Variants in KRTCAP3 observed in about 807,000 individuals in gnomAD.
KRTCAP3 encodes keratinocyte-associated protein 3.
KRTCAP3 carries 18 observed loss-of-function variants against 20.5 expected under a neutral mutation model. The observed-to-expected ratio is 0.88, with a 90% CI of 0.61 to 1.31. The LOEUF (loss-of-function observed/expected upper bound fraction) is 1.31, where lower values mean the gene tolerates loss of function less well. Ranked by LOEUF, KRTCAP3 falls within the 50% of genes most tolerant of loss-of-function variation. The pLI, the probability that KRTCAP3 is intolerant of heterozygous loss-of-function variation, is 0.00. For missense variants in KRTCAP3, 347 were observed against 310.4 expected, an observed-to-expected ratio of 1.12 and a Z score of -0.89; for synonymous variants, 167 against 133.7, an observed-to-expected ratio of 1.25 and a Z score of -1.72.
At chr2:27,444,320 GA>G, downstream of KRTCAP3, 1 of 696,048 alleles carries the variant, frequency 1.4e-6, no homozygotes, top group Admixed American at 2.7e-5. Flanking sequence ...TCCTTTTGGG[GA>G]AAAGGCACTG....
chr2:27,445,523 G>C (rs1474741405), downstream of KRTCAP3: 5 of 1,508,064 alleles, frequency 3.3e-6, no homozygotes, highest in Non-Finnish European at 4.5e-6. The surrounding 1 kb of genome is among the most constrained non-coding windows in gnomAD (Gnocchi z 4.4). Context: ...TGGGTGAGGA[G>C]GGGGTTTGCT....
chr2:27,445,424 T>C, downstream of KRTCAP3: 6 of 1,611,742 alleles, frequency 3.7e-6, no homozygotes, highest in Non-Finnish European at 5.1e-6. This position sits in a 1 kb window ranked among gnomAD's most constrained non-coding sequence, Gnocchi z 4.4. Flanking sequence ...AAGCACCCAG[T>C]CTCGAACCTC....
downstream of KRTCAP3, chr2:27,446,121 C>T: frequency 7.3e-7 from 1 of 1,377,492 alleles, no homozygotes; most frequent in East Asian, 2.3e-5. Context: ...GGAGAAAAAT[C>T]CAGGAAGACA....
chr2:27,444,829 G>T (rs902198037), downstream of KRTCAP3, among the ~76,000 whole-genome samples: 1 of 152,138 alleles, frequency 6.6e-6, no homozygotes, highest in Non-Finnish European at 1.5e-5. Flanking sequence ...TGTATTTTTA[G>T]TAGAGACGAG....
At position 27,442,920 on chromosome 2, in the gene KRTCAP3, G is replaced by A. The variant is rs1445239308; in HGVS notation, c.273+19G>A. 1 of 1,612,910 alleles carries A rather than the reference G, an allele frequency of 6.2e-7. No homozygotes were observed. The highest frequency in any genetic ancestry group is 8.5e-7 in the Non-Finnish European group (1 of 1,179,834). On this transcript the variant is annotated intron_variant, in intron 3 of 6. Coordinates refer to ENST00000288873, the MANE Select transcript of KRTCAP3 (RefSeq NM_173853.4). ...TCCACTGGTGAGAGGGACTTCCCTG[G>A]AGCTTTTAACGAGTAGGCTTGAGTC...
downstream of KRTCAP3, chr2:27,445,865 T>C: frequency 3.1e-6 from 5 of 1,614,062 alleles, no homozygotes; most frequent in Non-Finnish European, 4.2e-6. This position sits in a 1 kb window ranked among gnomAD's most constrained non-coding sequence, Gnocchi z 4.4. Context: ...TGGGCAACCA[T>C]GAACTAGGCA....
chr2:27,445,275 G>A (rs778545853), downstream of KRTCAP3: 78 of 1,600,832 alleles, frequency 4.9e-5, 1 homozygote, highest in South Asian at 8.7e-4. The surrounding 1 kb of genome is among the most constrained non-coding windows in gnomAD (Gnocchi z 4.4). Context: ...ACAGGATCTG[G>A]GGTGCTGTAG....
chr2:27,442,787 CG>C, intron 2 of KRTCAP3, 24 bp downstream of exon 2: 2 of 1,610,980 alleles, frequency 1.2e-6, no homozygotes, highest in East Asian at 2.2e-5. Flanking sequence ...GCGACCCGGG[CG>C]GGGGCCGGGC....
chr2:27,445,168 A>G (rs878962267), downstream of KRTCAP3: 23 of 1,605,086 alleles, frequency 1.4e-5, no homozygotes, highest in South Asian at 2.5e-4. This position sits in a 1 kb window ranked among gnomAD's most constrained non-coding sequence, Gnocchi z 4.4. Flanking sequence ...AAAAATGAGG[A>G]GCAGCCTGGG....
chr2:27,444,490 A>T, downstream of KRTCAP3: 1 of 1,613,730 alleles, frequency 6.2e-7, no homozygotes, highest in Non-Finnish European at 8.5e-7. Flanking sequence ...GATGAATTTC[A>T]GCACGTCCTG....
At chr2:27,446,098 C>A (rs768909809), downstream of KRTCAP3, 44 of 1,444,986 alleles carry the variant, frequency 3.0e-5, no homozygotes, top group Non-Finnish European at 4.1e-5. Context: ...AATGCTATTT[C>A]TCTGGGATCC....
downstream of KRTCAP3, chr2:27,445,073 T>A: frequency 6.2e-7 from 1 of 1,614,132 alleles, no homozygotes; most frequent in Non-Finnish European, 8.5e-7. The surrounding 1 kb of genome is among the most constrained non-coding windows in gnomAD (Gnocchi z 4.4). Flanking sequence ...CCTGGCCGCT[T>A]AAATTCAATT....
downstream of KRTCAP3, chr2:27,445,992 C>T (rs1665054029): frequency 6.2e-7 from 1 of 1,614,096 alleles, no homozygotes; most frequent in African/African-American, 1.3e-5. The surrounding 1 kb of genome is among the most constrained non-coding windows in gnomAD (Gnocchi z 4.4). Flanking sequence ...CAACTGCCTG[C>T]AGCAAAGAAG....
downstream of KRTCAP3, chr2:27,445,965 T>C (rs770097378): frequency 1.2e-6 from 2 of 1,614,234 alleles, no homozygotes; most frequent in Non-Finnish European, 1.7e-6. This position sits in a 1 kb window ranked among gnomAD's most constrained non-coding sequence, Gnocchi z 4.4. Flanking sequence ...GGAAGATGAA[T>C]GCCATGTTAT....
downstream of KRTCAP3, chr2:27,444,330 T>G (rs1224244815): frequency 1.4e-6 from 1 of 721,090 alleles, no homozygotes; most frequent in Non-Finnish European, 2.4e-6. Context: ...GAAAAGGCAC[T>G]GTGTGGTGTT....
chr2:27,446,043 T>A, downstream of KRTCAP3: 1 of 1,599,424 alleles, frequency 6.3e-7, no homozygotes, highest in Non-Finnish European at 8.6e-7. Flanking sequence ...TGAATGCTAC[T>A]TCTCTGGGAT....
In KRTCAP3 at chr2:27,442,768, G is replaced by A. The variant is rs1487515867; in HGVS notation, c.213+5G>A. The A allele has an allele frequency of 6.2e-7, 1 of 1,610,454 alleles. No homozygotes were observed. The highest frequency in any genetic ancestry group is 1.7e-5 in the Admixed American group (1 of 59,868). ...TCTGTCGGCTCGGGGCTGCTGGTGA[G>A]CGCGGCAGGCGACCCGGGCGGGGGC... On this transcript the variant is annotated splice_donor_5th_base_variant and intron_variant, in intron 2 of 6. Transcript: ENST00000288873.
At chr2:27,444,134 C>A in intron 6 of KRTCAP3, 52 bp from the exon 7 acceptor site, 1 of 893,506 alleles carries the variant, frequency 1.1e-6, no homozygotes, top group Non-Finnish European at 1.8e-6. Context: ...GGGTCTAGGT[C>A]TTGCCATGCT....
At chr2:27,445,650 G>A, downstream of KRTCAP3, 2 of 1,465,630 alleles carry the variant, frequency 1.4e-6, no homozygotes, top group Non-Finnish European at 1.9e-6. This position sits in a 1 kb window ranked among gnomAD's most constrained non-coding sequence, Gnocchi z 4.4. Flanking sequence ...AGTGAGGGCT[G>A]AGGTCCTTCC....
Sources: gnomAD v4.1 joint callset for allele counts (sites outside exome capture counted in the v4.1 genomes callset) on GRCh38, gnomAD v4.1.1 for gene constraint, Gnocchi (gnomAD v3.1) non-coding constraint, MANE v1.5 for transcripts, NCBI Gene and HGNC (gene_info 2026-07-23, HGNC 2026-07-21) for gene names.